The following PLEKHG7 variants were observed in gnomAD, a reference collection of about 807,000 sequenced individuals.
The protein encoded by PLEKHG7 is pleckstrin homology and RhoGEF domain containing G7.
PLEKHG7 carries 77 observed loss-of-function variants against 85.2 expected under a neutral mutation model. That is an observed-to-expected ratio of 0.90 (90% CI 0.75 to 1.09). The LOEUF (loss-of-function observed/expected upper bound fraction) is 1.09, where lower values mean the gene tolerates loss of function less well. Among genes scored for constraint, PLEKHG7 ranks in the 50% least tolerant of loss-of-function variants. The pLI, the probability that PLEKHG7 is intolerant of heterozygous loss-of-function variation, is 0.00. For synonymous variants in PLEKHG7, 301 were observed against 302.4 expected, an observed-to-expected ratio of 1.00 and a Z score of 0.05; for missense variants, 777 against 804.3, an observed-to-expected ratio of 0.97 and a Z score of 0.41.
rs190532225 is a variant in PLEKHG7 at position 92,759,576 on chromosome 12, G to T, written c.1637-2176G>T. On this transcript the variant is annotated intron_variant, in intron 13 of 16. Transcript: ENST00000344636. ...AATGCAGGTAAAATGAGGGACTCAG[G>T]CTGGAGCCTTGATCTGATAGGATTA... 1.8e-3 allele frequency among the ~76,000 whole-genome samples: 276 copies of T among 152,312 alleles called. 2 individuals are homozygous for T. The highest frequency in any genetic ancestry group is 4.7e-3 in the Admixed American group (72 of 15,300).
chr12:92,738,285 A>G lies in PLEKHG7; in HGVS notation c.939+764A>G, dbSNP rs1035712660. ...AATAGAGCAAGGAAGAGAACCATAG[A>G]GCAGCTTCCTCCCAGGACCACAGGG... On this transcript the variant is annotated intron_variant, in intron 7 of 16. Coordinates refer to ENST00000344636, the MANE Select transcript of PLEKHG7 (RefSeq NM_001377329.1). Among the ~76,000 whole-genome samples, 9 of 152,324 alleles carry G rather than the reference A, an allele frequency of 5.9e-5. No individual in the cohort carries two copies. The East Asian group carries it at 1.5e-3, about 26-fold the overall frequency.
intron 10 of PLEKHG7, among the ~76,000 whole-genome samples, chr12:92,751,985 T>G (rs1197552599): frequency 6.6e-6 from 1 of 151,452 alleles, no homozygotes; most frequent in Non-Finnish European, 1.5e-5. Flanking sequence ...CCACTGCACT[T>G]CAGCCTGGGT....
rs903142386 is a variant in PLEKHG7, at chr12:92,770,210, T to G, written c.*15T>G. Reference sequence around the variant, plus strand: ...CTGAAATTTAGGGACCTAAAACAAGTGGCATGTCTTTTTAGAAGATTATGG... The same window carrying G: ...CTGAAATTTAGGGACCTAAAACAAGGGGCATGTCTTTTTAGAAGATTATGG... On this transcript the variant is annotated 3_prime_UTR_variant, in exon 17 of 17. Coordinates refer to ENST00000344636, the MANE Select transcript of PLEKHG7 (RefSeq NM_001377329.1). The G allele has an allele frequency of 6.6e-6, 10 of 1,512,444 alleles. No homozygotes were observed. The Middle Eastern group carries it at 6.8e-4, about 103-fold the overall frequency. The allele number at this position is 1,512,444 out of a possible 1,614,324, so 93.7% of individuals were successfully genotyped here. A position where few individuals can be genotyped will look rare whatever the true frequency, so the allele number is the denominator to read the frequency against.
chr12:92,769,045 G>A lies in PLEKHG7; in HGVS notation c.1933G>A (p.Ala645Thr), dbSNP rs777983549. The change falls in exon 16 of 17, where the codon GCA becomes ACA. Residue 645 changes from alanine to threonine, a missense_variant. By Grantham distance (58) the Ala-to-Thr change is moderately conservative (BLOSUM62 0). Transcript: ENST00000344636. ...HENRYRQCIA[A>T]FLLQAQTENI... ...AAACAGATATCGACAGTGTATAGCA[G>A]CATTCTTATTACAAGCCCAAACGGA... The A allele has an allele frequency of 6.2e-7, 1 of 1,601,832 alleles. No homozygotes were observed. The highest frequency in any genetic ancestry group is 8.5e-7 in the Non-Finnish European group (1 of 1,170,664).
rs1179819836 is a variant in PLEKHG7 at position 92,770,145 on chromosome 12, AC to A, written c.2028del (p.Lys677ArgfsTer33). On this transcript the variant is annotated frameshift_variant, in exon 17 of 17. Coordinates refer to ENST00000344636, the MANE Select transcript of PLEKHG7 (RefSeq NM_001377329.1). LOFTEE classifies it high-confidence loss of function. ...AISCFTKSQE[T>X]KKISLFTLPA... ...TTCTTGCTTTACCAAGAGTCAGGAAACCAAGAAAATATCTTTATTCACATTG... is the reference window on the plus strand; with the variant it reads ...TTCTTGCTTTACCAAGAGTCAGGAAACAAGAAAATATCTTTATTCACATTG... The A allele has an allele frequency of 6.2e-7, 1 of 1,609,424 alleles. No individual in the cohort carries two copies. The highest frequency in any genetic ancestry group is 1.1e-5 in the South Asian group (1 of 89,262).
chr12:92,753,921 A>C (rs1321687906), intron 10 of PLEKHG7, among the ~76,000 whole-genome samples, 169 bp from the exon 11 acceptor site: 2 of 152,252 alleles, frequency 1.3e-5, no homozygotes, highest in Non-Finnish European at 2.9e-5. Context: ...CTAATGGAAC[A>C]TGCACTTTTC....
At chr12:92,705,254 A>T (rs553752868) in intron 1 of PLEKHG7, among the ~76,000 whole-genome samples, 6 of 152,406 alleles carry the variant, frequency 3.9e-5, no homozygotes, top group African/African-American at 1.2e-4. Flanking sequence ...TAAACATAGT[A>T]GTAATCACTG....
At chr12:92,745,212 A>G (rs1872496599) in intron 9 of PLEKHG7, among the ~76,000 whole-genome samples, 1 of 152,252 alleles carries the variant, frequency 6.6e-6, no homozygotes. Flanking sequence ...GACAGCCTAA[A>G]TAGAATTTTC....
intron 7 of PLEKHG7, among the ~76,000 whole-genome samples, 154 bp downstream of exon 7, chr12:92,737,675 A>T (rs1355316810): frequency 2.1e-5 from 3 of 144,962 alleles, no homozygotes; most frequent in Non-Finnish European, 4.5e-5. Context: ...GAAGGAAAGG[A>T]AGGAAGACAA....
In PLEKHG7 at chr12:92,772,354, A is replaced by C. The variant is rs1873467078; in HGVS notation, c.*2159A>C. 6.6e-6 allele frequency: 1 copy of C among 151,844 alleles called. No individual in the cohort carries two copies. Among genetic ancestry groups the C allele is most frequent in the Non-Finnish European group, 1.5e-5 (1 of 67,808 alleles). 9.4% of individuals were successfully genotyped at this position (151,844 alleles called of 1,614,324 possible). The stretch of plus-strand genomic sequence containing the variant: ...ATTAATAATTTCTCTTGAGATCAGG[A>C]ATTTAATTACTATTCGAAATTGAAC... On this transcript the variant is annotated 3_prime_UTR_variant, in exon 17 of 17. Coordinates refer to ENST00000344636, the MANE Select transcript of PLEKHG7 (RefSeq NM_001377329.1).
chr12:92,761,921 A>G, intron 14 of PLEKHG7, 90 bp downstream of exon 14: 2 of 1,351,226 alleles, frequency 1.5e-6, no homozygotes, highest in Admixed American at 7.7e-5. Flanking sequence ...TAAAAATATA[A>G]AATATTCTTA....
intron 6 of PLEKHG7, among the ~76,000 whole-genome samples, chr12:92,737,037 GT>G (rs546910662): frequency 3.3e-5 from 5 of 151,984 alleles, no homozygotes; most frequent in South Asian, 2.1e-4. Flanking sequence ...GGTTCTTTGA[GT>G]TTTTTTTGTC....
chr12:92,728,843 A>G, intron 3 of PLEKHG7, 150 bp from the exon 4 acceptor site: 2 of 534,716 alleles, frequency 3.7e-6, no homozygotes, highest in Non-Finnish European at 5.7e-6. Context: ...TTGAGGTTGA[A>G]CTAATTCACA....
intron 10 of PLEKHG7, among the ~76,000 whole-genome samples, chr12:92,752,054 G>A (rs1469821657): frequency 6.6e-6 from 1 of 151,798 alleles, no homozygotes; most frequent in Non-Finnish European, 1.5e-5. Flanking sequence ...TGATAGTGTG[G>A]GAGGAGAGTG....
chr12:92,707,984 A>G (rs1871288274), intron 3 of PLEKHG7: 2 of 427,500 alleles, frequency 4.7e-6, no homozygotes, highest in African/African-American at 2.0e-5. Flanking sequence ...GGTAGAGAAA[A>G]TAGAAAGGCC....
chr12:92,763,599 G>A (rs1210670985), intron 14 of PLEKHG7, among the ~76,000 whole-genome samples: 1 of 152,108 alleles, frequency 6.6e-6, no homozygotes, highest in Non-Finnish European at 1.5e-5. Flanking sequence ...AGGATCACTT[G>A]AGCCCAGGGG....
At chr12:92,768,029 A>AC (rs1213679386) in intron 15 of PLEKHG7, among the ~76,000 whole-genome samples, 3 of 151,894 alleles carry the variant, frequency 2.0e-5, no homozygotes, top group Admixed American at 6.6e-5. Flanking sequence ...ACAAAGTGAA[A>AC]CCCCCGTCTC....
chr12:92,751,039 C>T (rs1179369368), intron 10 of PLEKHG7, among the ~76,000 whole-genome samples: 1 of 152,132 alleles, frequency 6.6e-6, no homozygotes, highest in East Asian at 1.9e-4. Context: ...AAAGCTTAGC[C>T]TCATGTGGTA....
chr12:92,732,212 A>G (rs1872011237), intron 4 of PLEKHG7, 21 bp from the exon 5 acceptor site: 2 of 1,221,354 alleles, frequency 1.6e-6, no homozygotes, highest in African/African-American at 3.1e-5. Flanking sequence ...GTAATAATAT[A>G]TTGTCTTTAA....
Sources: gnomAD v4.1 joint callset for allele counts (sites outside exome capture counted in the v4.1 genomes callset) on GRCh38, gnomAD v4.1.1 for gene constraint, MANE v1.5 for transcripts, NCBI Gene and HGNC (gene_info 2026-07-23, HGNC 2026-07-21) for gene names.